SOCS6: variants seen among roughly 807,000 people sequenced by gnomAD.
SOCS6 encodes the protein STAT induced STAT inhibitor-4.
In SOCS6, 5 loss-of-function variants were observed where a neutral mutation model predicts 27.7. That is an observed-to-expected ratio of 0.18 (90% CI 0.09 to 0.38). SOCS6 has a LOEUF of 0.38. SOCS6 is among the 10% of genes least tolerant of loss of function. The pLI, the probability that SOCS6 is intolerant of heterozygous loss-of-function variation, is 1.00. For synonymous variants in SOCS6, 271 were observed against 260.0 expected, an observed-to-expected ratio of 1.04 and a Z score of -0.41; for missense variants, 595 against 688.1, an observed-to-expected ratio of 0.86 and a Z score of 1.51.
chr18:70,318,900 C>A (rs1041422873), intron 1 of SOCS6, among the ~76,000 whole-genome samples: 1 of 151,632 alleles, frequency 6.6e-6, no homozygotes, highest in African/African-American at 2.4e-5. Context: ...GGTGCCATTG[C>A]ACTCCAGCCT....
In SOCS6 at chr18:70,325,106, G is replaced by A. The variant is rs542809548; in HGVS notation, c.438G>A (p.Glu146=). 2 of 1,614,056 alleles carry A rather than the reference G, an allele frequency of 1.2e-6. No individual in the cohort carries two copies. The highest frequency in any genetic ancestry group is 2.7e-5 in the African/African-American group (2 of 75,042). Residue 146 remains glutamate, a synonymous_variant, in exon 2 of 2, where the codon GAG becomes GAA. Transcript: ENST00000397942. This position sits in a 1 kb window ranked among gnomAD's most constrained non-coding sequence, Gnocchi z 6.3. Reference sequence around the variant, plus strand: ...CTCTGCGGCCCACAAACTCCGAGGAGACCTGCATCAAGATGGAGGTGAGAG... The same window carrying A: ...CTCTGCGGCCCACAAACTCCGAGGAAACCTGCATCAAGATGGAGGTGAGAG... ...PWPLRPTNSE[E]TCIKMEVRVK... is the part of the protein sequence containing the mutation.
At position 70,326,901 on chromosome 18, in the gene SOCS6, C is replaced by A. The variant is rs1487199121; in HGVS notation, c.*625C>A. ...AATTATTTCTAAGGTTGTGCTAATTCTTTTGGTTGTGAAAAGTTGAATTTT... is the reference window on the plus strand; with the variant it reads ...AATTATTTCTAAGGTTGTGCTAATTATTTTGGTTGTGAAAAGTTGAATTTT... On this transcript the variant is annotated 3_prime_UTR_variant, in exon 2 of 2. Transcript: ENST00000397942. 4 of 166,866 alleles carry A rather than the reference C, an allele frequency of 2.4e-5. No individual in the cohort carries two copies. Among genetic ancestry groups the A allele is most frequent in the African/African-American group, 9.7e-5 (4 of 41,440 alleles). 10.3% of individuals were successfully genotyped at this position (166,866 alleles called of 1,614,324 possible). A position where few individuals can be genotyped will look rare whatever the true frequency, so the allele number is the denominator to read the frequency against.
chr18:70,310,824 TGGCA>T (rs1478608814), intron 1 of SOCS6, among the ~76,000 whole-genome samples: 1 of 152,210 alleles, frequency 6.6e-6, no homozygotes, highest in Non-Finnish European at 1.5e-5. Flanking sequence ...TCAAGTAACA[TGGCA>T]GTTTCTGAAT....
chr18:70,317,527 C>T lies in SOCS6; in HGVS notation c.-126-7016C>T, dbSNP rs191488130. On this transcript the variant is annotated intron_variant, in intron 1 of 1. Transcript: ENST00000397942. ...ACATACATATATACATACATATATA[C>T]GTATATATACACACTTCATATATAC... Among the ~76,000 whole-genome samples the T allele has an allele frequency of 6.3e-3, 46 of 7,318 alleles. 1 individual carries two copies. In the South Asian group the frequency reaches 0.38, roughly 61 times the overall value. 4.8% of individuals were successfully genotyped at this position (7,318 alleles called of 152,430 possible). A position where few individuals can be genotyped will look rare whatever the true frequency, so the allele number is the denominator to read the frequency against.
At chr18:70,293,204 C>T (rs1367531298) in intron 1 of SOCS6, among the ~76,000 whole-genome samples, 1 of 152,158 alleles carries the variant, frequency 6.6e-6, no homozygotes, top group Non-Finnish European at 1.5e-5. Flanking sequence ...ACCTTAAAGG[C>T]AGAGATGTGC....
chr18:70,298,477 C>A (rs879200194), intron 1 of SOCS6, among the ~76,000 whole-genome samples: 1 of 152,082 alleles, frequency 6.6e-6, no homozygotes, highest in Non-Finnish European at 1.5e-5. Context: ...TTACATTTAT[C>A]ATTCTGGAGG....
rs1306876861 is a variant in SOCS6, at chr18:70,310,468, G to GTT, written c.-126-14056_-126-14055dup. 4.3e-3 allele frequency among the ~76,000 whole-genome samples: 452 copies of GTT among 104,534 alleles called. 1 individual carries two copies. The highest frequency in any genetic ancestry group is 5.7e-3 in the Non-Finnish European group (304 of 52,884). The allele number at this position is 104,534 out of a possible 152,430, so 68.6% of individuals were successfully genotyped here. A position where few individuals can be genotyped will look rare whatever the true frequency, so the allele number is the denominator to read the frequency against. ...GGCTAATTTTCTAATTTTTTGTGGG[G>GTT]TTTTTTTTTTTTTTTTTTTTGCAGA... On this transcript the variant is annotated intron_variant, in intron 1 of 1. Coordinates refer to ENST00000397942, the MANE Select transcript of SOCS6 (RefSeq NM_004232.4).
chr18:70,310,204 G>A lies in SOCS6; in HGVS notation c.-126-14339G>A, dbSNP rs117395582. ...TGGTTGCTATTGACAGTTTAGTCCA[G>A]CTTCATAGTTACTTTTGGGGAAGGA... On this transcript the variant is annotated intron_variant, in intron 1 of 1. Transcript: ENST00000397942. Among the ~76,000 whole-genome samples the A allele has an allele frequency of 4.3e-4, 65 of 152,092 alleles. No homozygotes were observed. In the East Asian group the frequency reaches 0.01, roughly 24 times the overall value.
chr18:70,290,480 T>C (rs1421800913), intron 1 of SOCS6, among the ~76,000 whole-genome samples: 1 of 152,232 alleles, frequency 6.6e-6, no homozygotes, highest in Non-Finnish European at 1.5e-5. Context: ...AAAAAGTCTG[T>C]AATACTTTTC....
intron 1 of SOCS6, among the ~76,000 whole-genome samples, chr18:70,309,559 T>C (rs1398732869): frequency 6.6e-6 from 1 of 152,250 alleles, no homozygotes; most frequent in Non-Finnish European, 1.5e-5. Flanking sequence ...TTGTGATTGC[T>C]CCACAAATCA....
At chr18:70,296,244 A>G (rs1300436128) in intron 1 of SOCS6, among the ~76,000 whole-genome samples, 1 of 152,176 alleles carries the variant, frequency 6.6e-6, no homozygotes, top group Non-Finnish European at 1.5e-5. Context: ...TATTTGGTGT[A>G]TGCCTGGCTG....
rs987384515 is a variant in SOCS6 at position 70,324,824 on chromosome 18, C to T, written c.156C>T (p.Ala52=). 4 of 1,614,142 alleles carry T rather than the reference C, an allele frequency of 2.5e-6. No homozygotes were observed. The highest frequency in any genetic ancestry group is 3.4e-6 in the Non-Finnish European group (4 of 1,180,028). Reference sequence around the variant, plus strand: ...GTAGCTGCTATGGTAAAGATATGGCCAGCTGCGATATCAACGGTGAAGATG... The same window carrying T: ...GTAGCTGCTATGGTAAAGATATGGCTAGCTGCGATATCAACGGTGAAGATG... ...LFGSCYGKDM[A]SCDINGEDEK... Residue 52 remains alanine (A), a synonymous_variant, in exon 2 of 2, where the codon GCC becomes GCT. Coordinates refer to ENST00000397942, the MANE Select transcript of SOCS6 (RefSeq NM_004232.4).
chr18:70,302,890 C>A (rs1268334036), intron 1 of SOCS6, among the ~76,000 whole-genome samples: 2 of 152,054 alleles, frequency 1.3e-5, no homozygotes, highest in Non-Finnish European at 2.9e-5. Flanking sequence ...TACAAAAAAA[C>A]CCAATAGTCT....
intron 1 of SOCS6, among the ~76,000 whole-genome samples, chr18:70,290,535 TGGATATGGTAAGGTCTA>T (rs1476178828): frequency 2.0e-5 from 3 of 152,188 alleles, no homozygotes. Context: ...TGTGCACGCG[TGGATATGGTAAGGTCTA>T]GGATCCATTC....
At chr18:70,320,055 G>GA (rs1436340815) in intron 1 of SOCS6, among the ~76,000 whole-genome samples, 1 of 151,866 alleles carries the variant, frequency 6.6e-6, no homozygotes, top group East Asian at 1.9e-4. Context: ...GCAGTGGTGT[G>GA]ATCTCAGCTC....
intron 1 of SOCS6, among the ~76,000 whole-genome samples, chr18:70,291,242 G>C (rs2062297999): frequency 6.6e-6 from 1 of 152,150 alleles, no homozygotes; most frequent in African/African-American, 2.4e-5. Context: ...GAGTAGCTTG[G>C]ACCACAGACA....
intron 1 of SOCS6, among the ~76,000 whole-genome samples, chr18:70,293,608 A>G (rs1265363147): frequency 1.3e-5 from 2 of 152,192 alleles, no homozygotes; most frequent in Non-Finnish European, 2.9e-5. Flanking sequence ...CTCCTTTGGA[A>G]TTAGAAAAGC....
At chr18:70,298,453 T>C (rs1352927189) in intron 1 of SOCS6, among the ~76,000 whole-genome samples, 1 of 152,166 alleles carries the variant, frequency 6.6e-6, no homozygotes, top group African/African-American at 2.4e-5. Flanking sequence ...AAGAACTATA[T>C]ATAAGATAGT....
intron 1 of SOCS6, among the ~76,000 whole-genome samples, chr18:70,295,487 G>A (rs2062319033): frequency 6.6e-6 from 1 of 152,158 alleles, no homozygotes; most frequent in Non-Finnish European, 1.5e-5. Flanking sequence ...TTGTTGTGAT[G>A]TGTATAATAA....
Sources: gnomAD v4.1 joint callset for allele counts (sites outside exome capture counted in the v4.1 genomes callset) on GRCh38, gnomAD v4.1.1 for gene constraint, Gnocchi (gnomAD v3.1) non-coding constraint, MANE v1.5 for transcripts, NCBI Gene and HGNC (gene_info 2026-07-23, HGNC 2026-07-21) for gene names.